GFRAL: variants seen among roughly 807,000 people sequenced by gnomAD.
GFRAL encodes GDNF family receptor alpha like.
GFRAL carries 36 observed loss-of-function variants against 45.4 expected under a neutral mutation model. The observed-to-expected ratio is 0.79, with a 90% CI of 0.61 to 1.05. The LOEUF (loss-of-function observed/expected upper bound fraction) is 1.05, where lower values mean the gene tolerates loss of function less well. GFRAL is among the 50% of genes least tolerant of loss of function. The pLI, the probability that GFRAL is intolerant of heterozygous loss-of-function variation, is 0.00. For missense variants in GFRAL, 507 were observed against 467.5 expected, an observed-to-expected ratio of 1.08 and a Z score of -0.78; for synonymous variants, 166 against 154.1, an observed-to-expected ratio of 1.08 and a Z score of -0.57.
chr6:55,361,558 G>T (rs1037175822), intron 6 of GFRAL, among the ~76,000 whole-genome samples: 2 of 151,574 alleles, frequency 1.3e-5, no homozygotes, highest in East Asian at 3.9e-4. Context: ...TTGATCCAAA[G>T]TTGGTTGAGT....
chr6:55,392,898 A>G (rs1768772630), intron 6 of GFRAL, among the ~76,000 whole-genome samples: 1 of 152,154 alleles, frequency 6.6e-6, no homozygotes, highest in Non-Finnish European at 1.5e-5. Flanking sequence ...AGAATAACAT[A>G]ATATAAAATA....
chr6:55,388,154 G>T (rs974393427), intron 6 of GFRAL, among the ~76,000 whole-genome samples: 2 of 152,142 alleles, frequency 1.3e-5, no homozygotes, highest in Admixed American at 6.5e-5. Flanking sequence ...ATAACTCTGG[G>T]ACTGATGTTC....
intron 6 of GFRAL, among the ~76,000 whole-genome samples, chr6:55,390,102 C>T (rs1355001745): frequency 5.9e-5 from 9 of 152,248 alleles, no homozygotes; most frequent in Admixed American, 5.9e-4. Flanking sequence ...CAACGCTCTC[C>T]TGACCTTTCT....
chr6:55,354,374 ACTCAAAAAACGTCAT>A (rs1447143391), intron 5 of GFRAL, among the ~76,000 whole-genome samples: 1 of 151,920 alleles, frequency 6.6e-6, no homozygotes, highest in Non-Finnish European at 1.5e-5. Flanking sequence ...TGGGATAAGC[ACTCAAAAAACGTCAT>A]CTCCCTTCCT....
chr6:55,377,437 T>C (rs1469959383), intron 6 of GFRAL, among the ~76,000 whole-genome samples: 1 of 152,058 alleles, frequency 6.6e-6, no homozygotes, highest in African/African-American at 2.4e-5. Context: ...TTAGGTGTTA[T>C]ACAGCTATTT....
At chr6:55,351,903 A>AAT (rs766772260) in intron 5 of GFRAL, among the ~76,000 whole-genome samples, 1 of 150,112 alleles carries the variant, frequency 6.7e-6, no homozygotes, top group African/African-American at 2.4e-5. Context: ...CAGCTTTTTA[A>AAT]TTTTTTTTTT....
chr6:55,336,956 T>A (rs1010461579), intron 3 of GFRAL, among the ~76,000 whole-genome samples: 1 of 152,132 alleles, frequency 6.6e-6, no homozygotes, highest in African/African-American at 2.4e-5. Context: ...TGCAAATACT[T>A]TTTTAGCCTC....
intron 1 of GFRAL, among the ~76,000 whole-genome samples, chr6:55,330,384 C>G (rs1171957630): frequency 6.6e-6 from 1 of 152,060 alleles, no homozygotes; most frequent in East Asian, 1.9e-4. Flanking sequence ...GAGACAGGCA[C>G]ATGAATATAT....
At chr6:55,331,889 T>C (rs1767834254) in intron 2 of GFRAL, 40 bp downstream of exon 2, 1 of 1,564,158 alleles carries the variant, frequency 6.4e-7, no homozygotes, top group African/African-American at 1.4e-5. Context: ...TGATTTATTT[T>C]TACTAAGATA....
intron 3 of GFRAL, among the ~76,000 whole-genome samples, chr6:55,348,358 G>A (rs1768071346): frequency 6.6e-6 from 1 of 152,064 alleles, no homozygotes; most frequent in East Asian, 1.9e-4. Context: ...CTTCTATGAA[G>A]CACTTTATTT....
At chr6:55,343,058 A>C (rs1329326184) in intron 3 of GFRAL, among the ~76,000 whole-genome samples, 2 of 152,122 alleles carry the variant, frequency 1.3e-5, no homozygotes, top group East Asian at 3.9e-4. Context: ...AGAGACTTAG[A>C]CTCCCACTCA....
chr6:55,353,366 T>C (rs1768145642), intron 5 of GFRAL, among the ~76,000 whole-genome samples: 1 of 152,092 alleles, frequency 6.6e-6, no homozygotes, highest in Non-Finnish European at 1.5e-5. Context: ...GCAAAGTAGT[T>C]CCAGATCTTG....
chr6:55,336,163 G>C (rs115056684), intron 3 of GFRAL, among the ~76,000 whole-genome samples: 1,991 of 152,224 alleles, frequency 0.013, 23 homozygotes, highest in Non-Finnish European at 0.022. Context: ...AGGCTGGTCT[G>C]CAGCTCCTGG....
intron 5 of GFRAL, 126 bp downstream of exon 5, chr6:55,351,709 A>G (rs532409669): frequency 3.3e-6 from 2 of 609,968 alleles, no homozygotes; most frequent in South Asian, 2.8e-5. Flanking sequence ...TGTAAATAAA[A>G]CCAGACAATT....
rs1475878119 is a variant in GFRAL at position 55,333,822 on chromosome 6, A to G, written c.194A>G (p.Tyr65Cys). Reference protein sequence around the residue: ...GDPCKMRNSSYCNLSIQYLVE... With the variant: ...GDPCKMRNSSCCNLSIQYLVE... ...CCCTGCAAGATGAGGAATTCATCAT[A>G]CTGTAACCTGAGTATCCAGTACTTA... is the stretch of plus-strand genomic sequence containing the variant. The change falls in exon 3 of 9, where the codon TAC becomes TGC. Residue 65 changes from tyrosine (Y) to cysteine (C), a missense_variant. By Grantham distance (194) the Tyr-to-Cys change is radical. Coordinates refer to ENST00000340465, the MANE Select transcript of GFRAL (RefSeq NM_207410.2). 1 of 1,607,970 alleles carries G rather than the reference A, an allele frequency of 6.2e-7. No homozygotes were observed. The highest frequency in any genetic ancestry group is 1.3e-5 in the African/African-American group (1 of 74,600).
intron 3 of GFRAL, among the ~76,000 whole-genome samples, chr6:55,343,840 G>C (rs928161251): frequency 2.6e-5 from 4 of 152,066 alleles, no homozygotes; most frequent in African/African-American, 7.2e-5. Flanking sequence ...AAATGATAAA[G>C]GGGATATCAC....
At chr6:55,360,160 C>G (rs185416359) in intron 6 of GFRAL, among the ~76,000 whole-genome samples, 1 of 152,016 alleles carries the variant, frequency 6.6e-6, no homozygotes, top group East Asian at 1.9e-4. Flanking sequence ...AGGAAACAAC[C>G]TAAGGATGTG....
At chr6:55,345,482 G>T (rs1239157170) in intron 3 of GFRAL, among the ~76,000 whole-genome samples, 3 of 152,162 alleles carry the variant, frequency 2.0e-5, no homozygotes, top group African/African-American at 7.2e-5. Flanking sequence ...GGGAAAACTG[G>T]CTAGCCATAT....
intron 3 of GFRAL, among the ~76,000 whole-genome samples, chr6:55,344,578 A>C (rs1768013441): frequency 1.3e-5 from 2 of 152,226 alleles, no homozygotes; most frequent in South Asian, 4.1e-4. Context: ...ACCCACAGTC[A>C]ATATCATACT....
Sources: gnomAD v4.1 joint callset for allele counts (sites outside exome capture counted in the v4.1 genomes callset) on GRCh38, gnomAD v4.1.1 for gene constraint, MANE v1.5 for transcripts, NCBI Gene and HGNC (gene_info 2026-07-23, HGNC 2026-07-21) for gene names.